The following ZNF532 variants were observed in gnomAD, a reference collection of about 807,000 sequenced individuals.
The protein encoded by ZNF532 is zinc finger protein 532.
ZNF532 carries 22 observed loss-of-function variants against 89.3 expected under a neutral mutation model. The observed-to-expected ratio is 0.25, with a 90% CI of 0.18 to 0.35. The LOEUF is 0.35. Ranked by LOEUF, ZNF532 falls within the 10% of genes least tolerant of loss-of-function variation. The probability of loss-of-function intolerance (pLI) is 1.00; values close to 1 mark genes in which losing one functional copy is unlikely to be tolerated. For missense variants in ZNF532, 1,132 were observed against 1,643.4 expected (o/e 0.69, Z 5.38); for synonymous variants, 606 against 649.6 (o/e 0.93, Z 1.02).
intron 7 of ZNF532, among the ~76,000 whole-genome samples, chr18:58,967,973 C>T (rs1273073188): frequency 1.3e-5 from 2 of 152,208 alleles, no homozygotes; most frequent in Non-Finnish European, 2.9e-5. Flanking sequence ...AAGTACAGCA[C>T]ATATGGTACT....
At chr18:58,922,955 G>A (rs912316853) in intron 3 of ZNF532, among the ~76,000 whole-genome samples, 5 of 151,562 alleles carry the variant, frequency 3.3e-5, no homozygotes, top group African/African-American at 4.8e-5. Context: ...GGTGAAACGG[G>A]TGAAACTCTG....
At chr18:58,959,875 C>T (rs914558305) in intron 7 of ZNF532, among the ~76,000 whole-genome samples, 2 of 152,282 alleles carry the variant, frequency 1.3e-5, no homozygotes, top group Non-Finnish European at 1.5e-5. Flanking sequence ...GAAAGCAGCT[C>T]ACCAAAATGG....
rs370955739 is a variant in ZNF532 at position 58,919,803 on chromosome 18, G to A, written c.1516G>A (p.Val506Met). ...AANAIQQQTV[V>M]VPASSLANAK... The stretch of plus-strand genomic sequence containing the variant: ...CAACGCCATCCAGCAGCAAACTGTC[G>A]TGGTGCCGGCATCCAGCCTGGCCAA... Residue 506 changes from valine to methionine, a missense_variant, in exon 3 of 10, where the codon GTG (valine) becomes ATG (methionine). Val to Met is a conservative substitution (Grantham distance 21, BLOSUM62 1). Coordinates refer to ENST00000591808, the MANE Select transcript of ZNF532 (RefSeq NM_001375912.1). This position sits in a 1 kb window ranked among gnomAD's most constrained non-coding sequence, Gnocchi z 6.1. The A allele has an allele frequency of 1.9e-5, 31 of 1,613,918 alleles. No individual in the cohort carries two copies. The highest frequency in any genetic ancestry group is 4.0e-5 in the African/African-American group (3 of 74,934).
chr18:58,898,777 C>T (rs1364728155), intron 2 of ZNF532, among the ~76,000 whole-genome samples: 1 of 152,232 alleles, frequency 6.6e-6, no homozygotes, highest in Non-Finnish European at 1.5e-5. Context: ...CTGGGGAAAT[C>T]AGGGAGCCTG....
chr18:58,877,738 C>T (rs904909527), intron 2 of ZNF532, among the ~76,000 whole-genome samples: 5 of 152,048 alleles, frequency 3.3e-5, no homozygotes, highest in Non-Finnish European at 7.4e-5. Context: ...TGAGTGTGGC[C>T]CTTATGGAAT....
At chr18:58,932,911 T>TAA (rs1297548045) in intron 3 of ZNF532, among the ~76,000 whole-genome samples, 1 of 152,136 alleles carries the variant, frequency 6.6e-6, no homozygotes, top group Non-Finnish European at 1.5e-5. Context: ...TATATATATA[T>TAA]AAATGTTTTT....
At chr18:58,893,120 A>T (rs1330662972) in intron 2 of ZNF532, among the ~76,000 whole-genome samples, 2 of 151,804 alleles carry the variant, frequency 1.3e-5, no homozygotes, top group East Asian at 3.9e-4. Flanking sequence ...CTGGGATTAC[A>T]GGCGTGTGCC....
rs1395296081 is a variant in ZNF532 at position 58,888,798 on chromosome 18, T to A, written c.-18+23219T>A. Among the ~76,000 whole-genome samples the A allele has an allele frequency of 1.9e-3, 85 of 45,836 alleles. 5 individuals are homozygous for A. The highest frequency in any genetic ancestry group is 0.01 in the East Asian group (8 of 778). 30.1% of individuals were successfully genotyped at this position (45,836 alleles called of 152,430 possible). A position where few individuals can be genotyped will look rare whatever the true frequency, so the allele number is the denominator to read the frequency against. On this transcript the variant is annotated intron_variant, in intron 2 of 9. Coordinates refer to ENST00000591808, the MANE Select transcript of ZNF532 (RefSeq NM_001375912.1). ...TTATATATATATAAAATATATATAA[T>A]TTATATATATAAAAAATTATATATA...
chr18:58,948,339 G>A (rs2063836263), intron 6 of ZNF532, 110 bp downstream of exon 6: 10 of 1,147,898 alleles, frequency 8.7e-6, no homozygotes, highest in Non-Finnish European at 1.2e-5. Context: ...GTCGAGGGAA[G>A]GGATGGATGC....
At chr18:58,964,932 T>C (rs1045048674) in intron 7 of ZNF532, among the ~76,000 whole-genome samples, 4 of 149,360 alleles carry the variant, frequency 2.7e-5, no homozygotes, top group Non-Finnish European at 5.9e-5. Context: ...TTCTAAATAT[T>C]TTTACTTCAT....
intron 4 of ZNF532, among the ~76,000 whole-genome samples, 180 bp from the exon 5 acceptor site, chr18:58,939,265 A>AAAAAAAAAAAAAC: frequency 6.7e-6 from 1 of 149,648 alleles, no homozygotes; most frequent in South Asian, 2.1e-4. Context: ...AAAAAAAAAA[A>AAAAAAAAAAAAAC]AAAAAAAAAA....
intron 2 of ZNF532, among the ~76,000 whole-genome samples, chr18:58,893,473 G>C (rs2059039985): frequency 6.6e-6 from 1 of 151,872 alleles, no homozygotes; most frequent in Non-Finnish European, 1.5e-5. Flanking sequence ...CAACATGGCT[G>C]TGGCGAAACC....
intron 2 of ZNF532, among the ~76,000 whole-genome samples, chr18:58,891,525 C>T (rs1174401287): frequency 1.3e-5 from 2 of 151,990 alleles, no homozygotes; most frequent in Non-Finnish European, 2.9e-5. Context: ...GAGAAACTGT[C>T]TCAAAAATGA....
rs543451734 is a variant in ZNF532 at position 58,970,744 on chromosome 18, T to A, written c.3151-8311T>A. Among the ~76,000 whole-genome samples the A allele has an allele frequency of 2.0e-5, 3 of 152,356 alleles. No individual in the cohort carries two copies. In the South Asian group the frequency reaches 6.2e-4, roughly 32 times the overall value. On this transcript the variant is annotated intron_variant, in intron 7 of 9. Transcript: ENST00000591808. ...AGAGTCCCCTGACAGAGAAGAGATG[T>A]GAGGTTTGTTTAGGGTCTGCAGTGA... is the stretch of plus-strand genomic sequence containing the variant.
intron 2 of ZNF532, among the ~76,000 whole-genome samples, chr18:58,910,982 A>G (rs2060246907): frequency 6.6e-6 from 1 of 152,036 alleles, no homozygotes; most frequent in African/African-American, 2.4e-5. Context: ...GGGCTCAACC[A>G]ATCATCCTGC....
At chr18:58,941,466 C>G (rs935328960) in intron 5 of ZNF532, among the ~76,000 whole-genome samples, 1 of 118,840 alleles carries the variant, frequency 8.4e-6, no homozygotes, top group Non-Finnish European at 1.8e-5. Context: ...TTCTCTCTCT[C>G]TCTTTTTTTT....
chr18:58,983,336 TCA>T (rs2068051272), intron 9 of ZNF532, among the ~76,000 whole-genome samples: 1 of 151,966 alleles, frequency 6.6e-6, no homozygotes, highest in East Asian at 1.9e-4. Context: ...CCAGAGGCTC[TCA>T]GTCTAAAAGC....
rs764916310 is a variant in ZNF532 at position 58,919,318 on chromosome 18, G to A, written c.1031G>A (p.Ser344Asn). ...SPRSISSENSSKGSPSSPAGS... is the reference protein window; with the variant it reads ...SPRSISSENSNKGSPSSPAGS... ...AGAAGCATCTCAAGTGAGAACAGCA[G>A]CAAAGGATCCCCGTCCTCTCCCGCA... is the stretch of plus-strand genomic sequence containing the variant. The change falls in exon 3 of 10, where the codon AGC becomes AAC. Residue 344 changes from serine to asparagine, a missense_variant. Physicochemically the swap from Ser to Asn is conservative, Grantham distance 46 (BLOSUM62 1). Coordinates refer to ENST00000591808, the MANE Select transcript of ZNF532 (RefSeq NM_001375912.1). This position sits in a 1 kb window ranked among gnomAD's most constrained non-coding sequence, Gnocchi z 6.1. 1 of 1,614,198 alleles carries A rather than the reference G, an allele frequency of 6.2e-7. No homozygotes were observed. The highest frequency in any genetic ancestry group is 1.7e-5 in the Admixed American group (1 of 60,024).
At chr18:58,973,524 A>AAG (rs1240693673) in intron 7 of ZNF532, among the ~76,000 whole-genome samples, 1 of 152,218 alleles carries the variant, frequency 6.6e-6, no homozygotes, top group Non-Finnish European at 1.5e-5. Context: ...CAAATGTTAA[A>AAG]AGATGGCGGA....
Sources: gnomAD v4.1 joint callset for allele counts (sites outside exome capture counted in the v4.1 genomes callset) on GRCh38, gnomAD v4.1.1 for gene constraint, Gnocchi (gnomAD v3.1) non-coding constraint, MANE v1.5 for transcripts, NCBI Gene and HGNC (gene_info 2026-07-23, HGNC 2026-07-21) for gene names.